EFHD1: variants seen among roughly 807,000 people sequenced by gnomAD.
EFHD1 encodes the protein EF-hand domain family member D1, also known as EF-hand domain-containing protein D1.
EFHD1 carries 10 observed loss-of-function variants against 17.2 expected under a neutral mutation model. The ratio of observed to expected loss-of-function variants is 0.58; its 90% CI spans 0.36 to 0.99. EFHD1 has a LOEUF of 0.99. Ranked by LOEUF, EFHD1 falls within the 50% of genes least tolerant of loss-of-function variation. The pLI, the probability that EFHD1 is intolerant of heterozygous loss-of-function variation, is 0.01. For missense variants in EFHD1, 310 were observed against 327.5 expected, an observed-to-expected ratio of 0.95 and a Z score of 0.41; for synonymous variants, 153 against 142.0, an observed-to-expected ratio of 1.08 and a Z score of -0.55.
At chr2:232,634,139 C>T in intron 1 of EFHD1, 133 bp downstream of exon 1, 1 of 1,447,006 alleles carries the variant, frequency 6.9e-7, no homozygotes, top group Non-Finnish European at 9.0e-7. Flanking sequence ...CCAACGCAGC[C>T]AGATCTTGCG....
At position 232,662,957 on chromosome 2, in the gene EFHD1, C is replaced by T; in HGVS notation, c.450+8C>T. ...AAGCTCAGCTTCCGGGAGGTACCTG[C>T]CTGCTGTGGCCCTGAGCCCCTGTGG... On this transcript the variant is annotated splice_region_variant and intron_variant, in intron 2 of 3. Coordinates refer to ENST00000264059, the MANE Select transcript of EFHD1 (RefSeq NM_025202.4). The T allele has an allele frequency of 3.2e-6, 5 of 1,571,458 alleles. No individual in the cohort carries two copies. Among genetic ancestry groups the T allele is most frequent in the South Asian group, 2.4e-5 (2 of 83,762 alleles).
At chr2:232,606,770 G>A (rs1254263159) in intron 1 of EFHD1, 1 of 151,802 alleles carries the variant, frequency 6.6e-6, no homozygotes, top group African/African-American at 2.4e-5. Context: ...GGCGCCTGTG[G>A]TCCCAGCTAC....
At chr2:232,615,381 G>A (rs1559336524) in intron 1 of EFHD1, among the ~76,000 whole-genome samples, 1 of 149,602 alleles carries the variant, frequency 6.7e-6, no homozygotes. Context: ...AGAAGGTCAA[G>A]GTTGATACTG....
chr2:232,615,161 A>G (rs1030018877), intron 1 of EFHD1, among the ~76,000 whole-genome samples: 1 of 152,052 alleles, frequency 6.6e-6, no homozygotes, highest in African/African-American at 2.4e-5. Flanking sequence ...AGCTCGAAAT[A>G]TGTGTTAACT....
intron 1 of EFHD1, among the ~76,000 whole-genome samples, chr2:232,641,631 G>A (rs531635330): frequency 1.3e-5 from 2 of 152,330 alleles, no homozygotes; most frequent in East Asian, 3.9e-4. Context: ...GCAGCCACAG[G>A]CAATATGCAA....
chr2:232,672,277 G>A (rs780692551), intron 2 of EFHD1, 32 bp from the exon 3 acceptor site: 14 of 1,614,056 alleles, frequency 8.7e-6, no homozygotes, highest in Non-Finnish European at 1.1e-5. Flanking sequence ...CAGTGAGACT[G>A]ACTCTGGTTC....
intron 1 of EFHD1, among the ~76,000 whole-genome samples, chr2:232,617,406 T>C (rs1057495735): frequency 5.3e-5 from 8 of 152,048 alleles, no homozygotes; most frequent in Admixed American, 2.0e-4. Flanking sequence ...TCCCAGCACT[T>C]TGGGAGGCTG....
chr2:232,657,986 T>G (rs1274353429), intron 1 of EFHD1, among the ~76,000 whole-genome samples: 1 of 143,988 alleles, frequency 6.9e-6, no homozygotes, highest in East Asian at 2.2e-4. Flanking sequence ...CTGCAACCTC[T>G]GCCTCCCAGG....
chr2:232,628,590 C>T (rs1694147082), intron 1 of EFHD1, among the ~76,000 whole-genome samples: 1 of 152,166 alleles, frequency 6.6e-6, no homozygotes, highest in Non-Finnish European at 1.5e-5. Flanking sequence ...CCACAGGACT[C>T]AGAGGCCCGT....
intron 3 of EFHD1, among the ~76,000 whole-genome samples, chr2:232,678,937 C>T (rs1464401533): frequency 6.6e-6 from 1 of 152,208 alleles, no homozygotes; most frequent in Non-Finnish European, 1.5e-5. Context: ...CTACTTTATA[C>T]TCTGCACTAA....
At chr2:232,659,303 A>C (rs1173863355) in intron 1 of EFHD1, among the ~76,000 whole-genome samples, 1 of 152,070 alleles carries the variant, frequency 6.6e-6, no homozygotes, top group Admixed American at 6.6e-5. Context: ...GAAAAAAAAA[A>C]ACACAAGAAA....
intron 1 of EFHD1, among the ~76,000 whole-genome samples, chr2:232,656,166 C>A (rs1694758391): frequency 6.6e-6 from 1 of 152,158 alleles, no homozygotes; most frequent in African/African-American, 2.4e-5. Flanking sequence ...GGCCCATGGC[C>A]TCCCTGAAGT....
intron 2 of EFHD1, among the ~76,000 whole-genome samples, chr2:232,667,730 T>G (rs1340715495): frequency 6.6e-6 from 1 of 151,892 alleles, no homozygotes; most frequent in African/African-American, 2.4e-5. Flanking sequence ...TTTTGTATTT[T>G]TCTTTTTAGT....
intron 1 of EFHD1, among the ~76,000 whole-genome samples, chr2:232,647,451 T>C (rs1012390696): frequency 6.6e-6 from 1 of 152,204 alleles, no homozygotes; most frequent in Non-Finnish European, 1.5e-5. Context: ...TCTGGCCGTT[T>C]CCTTCCCTGA....
chr2:232,640,499 C>T (rs1365314706), intron 1 of EFHD1, among the ~76,000 whole-genome samples: 1 of 152,200 alleles, frequency 6.6e-6, no homozygotes, highest in Non-Finnish European at 1.5e-5. Flanking sequence ...CCTTTCCAAC[C>T]TGCTATGAGC....
intron 1 of EFHD1, among the ~76,000 whole-genome samples, chr2:232,660,773 T>C (rs1340817440): frequency 6.6e-6 from 1 of 151,972 alleles, no homozygotes; most frequent in East Asian, 1.9e-4. Flanking sequence ...AGGTCAGGTG[T>C]TCGAGACCAG....
intron 3 of EFHD1, among the ~76,000 whole-genome samples, chr2:232,676,654 T>C (rs1695178474): frequency 6.6e-6 from 1 of 152,158 alleles, no homozygotes; most frequent in South Asian, 2.1e-4. Context: ...TCTGGGCACC[T>C]CACAACATAG....
chr2:232,662,688 G>T (rs1383437547), intron 1 of EFHD1, 114 bp from the exon 2 acceptor site: 1 of 1,420,678 alleles, frequency 7.0e-7, no homozygotes, highest in East Asian at 2.7e-5. Flanking sequence ...CATTGGCCTC[G>T]CAGAGCGGGA....
intron 1 of EFHD1, among the ~76,000 whole-genome samples, chr2:232,619,549 G>T (rs1019349264): frequency 2.0e-5 from 3 of 152,080 alleles, no homozygotes; most frequent in East Asian, 1.9e-4. Flanking sequence ...GACCTCAGGT[G>T]ATCCACCTGC....
Sources: allele counts gnomAD v4.1 joint callset (sites outside exome capture counted in the v4.1 genomes callset), GRCh38; gene constraint gnomAD v4.1.1; transcripts MANE v1.5; gene names NCBI Gene and HGNC (gene_info 2026-07-23, HGNC 2026-07-21).